Variants in TBC1D14 observed in about 807,000 individuals in gnomAD.
TBC1D14 encodes the protein TBC1 domain family member 14.
Under a neutral mutation model 79.0 loss-of-function variants are expected in TBC1D14, and 26 were observed. That is an observed-to-expected ratio of 0.33 (90% CI 0.24 to 0.46). TBC1D14 has a LOEUF of 0.46. TBC1D14 is among the 20% of genes least tolerant of loss of function. TBC1D14 has a pLI of 1.00. For synonymous variants in TBC1D14, 394 were observed against 349.9 expected (o/e 1.13, Z -1.40); for missense variants, 769 against 887.6 (o/e 0.87, Z 1.70).
At chr4:7,012,961 A>C (rs570453946) in intron 11 of TBC1D14, among the ~76,000 whole-genome samples, 9 of 152,348 alleles carry the variant, frequency 5.9e-5, no homozygotes, top group African/African-American at 2.2e-4. Flanking sequence ...TAATTCCTGC[A>C]TGTAAATTTA....
At chr4:6,966,976 A>C (rs1055925751) in intron 2 of TBC1D14, among the ~76,000 whole-genome samples, 1 of 151,912 alleles carries the variant, frequency 6.6e-6, no homozygotes, top group Non-Finnish European at 1.5e-5. Flanking sequence ...TGCTGGGCTA[A>C]TTTTTTGTAT....
At chr4:6,953,681 TGTTA>T (rs1456880926) in intron 2 of TBC1D14, among the ~76,000 whole-genome samples, 8 of 145,320 alleles carry the variant, frequency 5.5e-5, no homozygotes, top group African/African-American at 1.5e-4. Flanking sequence ...GACATGAGGT[TGTTA>T]GTTAGCTCTG....
intron 2 of TBC1D14, among the ~76,000 whole-genome samples, chr4:6,960,247 ATT>A (rs912173712): frequency 1.5e-4 from 20 of 130,222 alleles, no homozygotes; most frequent in African/African-American, 2.0e-4. Flanking sequence ...ATGCCTGGCT[ATT>A]TTTTTTTTTT....
chr4:6,943,864 ACT>A (rs750266347), intron 2 of TBC1D14, among the ~76,000 whole-genome samples: 17,585 of 152,306 alleles, frequency 0.12, 1,533 homozygotes, highest in African/African-American at 0.24. Flanking sequence ...GGCACACTTA[ACT>A]TTTAAATCTA....
At chr4:6,992,124 C>T (rs1718563575) in intron 3 of TBC1D14, among the ~76,000 whole-genome samples, 2 of 152,218 alleles carry the variant, frequency 1.3e-5, no homozygotes, top group Admixed American at 1.3e-4. Flanking sequence ...TTCCTTCCAG[C>T]AGCCCACTCA....
intron 2 of TBC1D14, among the ~76,000 whole-genome samples, chr4:6,953,019 C>CTT (rs1358915567): frequency 2.7e-4 from 21 of 78,920 alleles, no homozygotes; most frequent in African/African-American, 6.8e-4. Context: ...CTATTTTTTT[C>CTT]TTTCTTTTTT....
chr4:6,925,350 G>A (rs1339064222), intron 2 of TBC1D14, among the ~76,000 whole-genome samples: 1 of 152,190 alleles, frequency 6.6e-6, no homozygotes, highest in Non-Finnish European at 1.5e-5. Context: ...CTTGGCAGGT[G>A]GGAACATTTC....
chr4:7,001,523 C>A, intron 7 of TBC1D14: 2 of 379,584 alleles, frequency 5.3e-6, no homozygotes, highest in South Asian at 6.8e-5. Context: ...CTGAGCTTCG[C>A]AGATCAAAGT....
intron 2 of TBC1D14, among the ~76,000 whole-genome samples, chr4:6,948,043 G>T (rs796762776): frequency 1.3e-5 from 2 of 152,184 alleles, no homozygotes; most frequent in African/African-American, 4.8e-5. Context: ...GGAGCACAGA[G>T]GAGGGACTGC....
intron 3 of TBC1D14, among the ~76,000 whole-genome samples, chr4:6,967,966 C>T (rs1331006884): frequency 1.3e-5 from 2 of 152,294 alleles, no homozygotes; most frequent in Non-Finnish European, 2.9e-5. Flanking sequence ...TTGCTCCTTA[C>T]GGTGGGAGAG....
At chr4:6,912,894 C>T (rs535881517) in intron 1 of TBC1D14, among the ~76,000 whole-genome samples, 3 of 152,346 alleles carry the variant, frequency 2.0e-5, no homozygotes, top group African/African-American at 7.2e-5. Flanking sequence ...AGCTGGTGAG[C>T]GAAGGAGCTG....
chr4:6,927,910 A>T (rs1035016529), intron 2 of TBC1D14, among the ~76,000 whole-genome samples: 7 of 152,188 alleles, frequency 4.6e-5, no homozygotes, highest in Non-Finnish European at 1.0e-4. Flanking sequence ...ATGTTAAGGG[A>T]TCATATGAGC....
At chr4:6,988,550 T>C (rs1354337413) in intron 3 of TBC1D14, among the ~76,000 whole-genome samples, 2 of 152,214 alleles carry the variant, frequency 1.3e-5, no homozygotes, top group Non-Finnish European at 2.9e-5. Context: ...AAGTCAGTCT[T>C]TTGATAGGTA....
intron 3 of TBC1D14, among the ~76,000 whole-genome samples, chr4:6,988,509 TGTG>T (rs945288123): frequency 2.6e-4 from 40 of 152,356 alleles, no homozygotes; most frequent in African/African-American, 7.5e-4. Flanking sequence ...CCTGTGCAGA[TGTG>T]GTGGCCGTGC....
chr4:6,971,037 G>A (rs1716180286), intron 3 of TBC1D14, among the ~76,000 whole-genome samples: 2 of 137,892 alleles, frequency 1.5e-5, no homozygotes, highest in South Asian at 5.0e-4. Context: ...CTGTGGCTGA[G>A]CTGGGGGTCA....
chr4:6,997,671 G>T (rs1719203702), intron 5 of TBC1D14, among the ~76,000 whole-genome samples: 1 of 152,172 alleles, frequency 6.6e-6, no homozygotes, highest in South Asian at 2.1e-4. Context: ...TATATGTACA[G>T]TGGAATATTA....
At chr4:6,930,854 T>C (rs1424589491) in intron 2 of TBC1D14, among the ~76,000 whole-genome samples, 1 of 152,054 alleles carries the variant, frequency 6.6e-6, no homozygotes, top group East Asian at 1.9e-4. Flanking sequence ...GGCCTTTGTT[T>C]AAGTGTTTGC....
At chr4:6,913,059 G>A (rs185371774) in intron 1 of TBC1D14, among the ~76,000 whole-genome samples, 1 of 150,918 alleles carries the variant, frequency 6.6e-6, no homozygotes, top group Non-Finnish European at 1.5e-5. Flanking sequence ...AATGGTGTGA[G>A]ATCTCGGCTC....
intron 3 of TBC1D14, among the ~76,000 whole-genome samples, chr4:6,970,974 A>G (rs1175740078): frequency 2.8e-3 from 222 of 80,008 alleles, no homozygotes; most frequent in Admixed American, 5.0e-3. Context: ...CTGTGGTTGA[A>G]CTGGGGTCAG....
Sources: allele counts gnomAD v4.1 joint callset (sites outside exome capture counted in the v4.1 genomes callset), GRCh38; gene constraint gnomAD v4.1.1; transcripts MANE v1.5; gene names NCBI Gene and HGNC (gene_info 2026-07-23, HGNC 2026-07-21).